UNC80: variants seen among roughly 807,000 people sequenced by gnomAD.
UNC80 encodes protein unc-80 homolog.
A neutral mutation model predicts 384.6 loss-of-function variants in UNC80; 164 were observed. The ratio of observed to expected loss-of-function variants is 0.43; its 90% CI spans 0.38 to 0.49. The LOEUF (loss-of-function observed/expected upper bound fraction) is 0.49. UNC80 is among the 20% of genes least tolerant of loss of function. UNC80 has a pLI of 0.00. For synonymous variants in UNC80, 1,486 were observed against 1,527.8 expected (o/e 0.97, Z 0.64); for missense variants, 3,330 against 4,143.0 (o/e 0.80, Z 5.39).
chr2:209,779,768 C>G (rs2077055837), intron 4 of UNC80, among the ~76,000 whole-genome samples: 1 of 152,160 alleles, frequency 6.6e-6, no homozygotes, highest in Non-Finnish European at 1.5e-5. Flanking sequence ...GGACAGGAAA[C>G]AAGTCTTCTT....
At chr2:209,966,649 T>G (rs2092749976) in intron 51 of UNC80, among the ~76,000 whole-genome samples, 1 of 152,218 alleles carries the variant, frequency 6.6e-6, no homozygotes, top group Non-Finnish European at 1.5e-5. Flanking sequence ...AATCTGACAC[T>G]TAGGACATCA....
At position 209,995,573 on chromosome 2, in the gene UNC80, T is replaced by C; in HGVS notation, c.9953T>C (p.Val3318Ala). ...ACTGAGCTGGGGAAAACGGATGCAG[T>C]ATTAGATGAGTCTCATGTTTAATTC... The part of the protein sequence containing the change: ...TPTELGKTDA[V>A]LDESHV The change falls in exon 65 of 65, where the codon GTA (valine) becomes GCA (alanine). Residue 3318 changes from valine to alanine, a missense_variant. By Grantham distance (64) the Val-to-Ala change is moderately conservative. Around this residue, in one of 8 missense-constraint regions of UNC80, gnomAD observed 236 missense variants for 254.9 expected, o/e 0.93. Transcript: ENST00000673920. 6.4e-7 allele frequency: 1 copy of C among 1,552,108 alleles called. No homozygotes were observed. The highest frequency in any genetic ancestry group is 2.4e-5 in the East Asian group (1 of 40,930).
At chr2:209,804,254 G>A (rs1452949158) in intron 7 of UNC80, among the ~76,000 whole-genome samples, 1 of 152,118 alleles carries the variant, frequency 6.6e-6, no homozygotes, top group African/African-American at 2.4e-5. Flanking sequence ...AAAATGAGAG[G>A]CACTCGTCCT....
At position 209,776,057 on chromosome 2, in the gene UNC80, G is replaced by A. The variant is rs759270823; in HGVS notation, c.298+12G>A. On this transcript the variant is annotated intron_variant, in intron 3 of 64. Coordinates refer to ENST00000673920, the MANE Select transcript of UNC80 (RefSeq NM_001371986.1). ...CCGAAACAAGCTAGGTTGGTGCCCC[G>A]CATTACTTCTTTATTGCATGTGATT... 6.8e-6 allele frequency: 11 copies of A among 1,613,670 alleles called. No homozygotes were observed. The highest frequency in any genetic ancestry group is 2.7e-5 in the African/African-American group (2 of 74,954).
At chr2:209,933,666 C>G (rs1441449866) in intron 38 of UNC80, among the ~76,000 whole-genome samples, 156 bp from the exon 39 acceptor site, 1 of 152,014 alleles carries the variant, frequency 6.6e-6, no homozygotes, top group African/African-American at 2.4e-5. Context: ...CAGTTATGCC[C>G]TCTCCTGGTA....
intron 31 of UNC80, among the ~76,000 whole-genome samples, chr2:209,915,924 G>A (rs1021686387): frequency 6.6e-6 from 1 of 152,100 alleles, no homozygotes; most frequent in East Asian, 1.9e-4. Flanking sequence ...CAAGGTGGTG[G>A]ATATTTTAAG....
rs1009260126 is a variant in UNC80 at position 209,911,799 on chromosome 2, C to T, written c.4783-761C>T. 4.6e-5 allele frequency among the ~76,000 whole-genome samples: 7 copies of T among 152,286 alleles called. No homozygotes were observed. In the South Asian group the frequency reaches 1.5e-3, roughly 32 times the overall value. On this transcript the variant is annotated intron_variant, in intron 29 of 64. Transcript: ENST00000673920. The stretch of plus-strand genomic sequence containing the variant: ...CAGGACTCTGGATAAATAAGCCTGC[C>T]TTCGTTAGGTTCAGTCCTTCTCCCA...
At chr2:209,910,008 G>C (rs1327414142) in intron 29 of UNC80, among the ~76,000 whole-genome samples, 1 of 149,528 alleles carries the variant, frequency 6.7e-6, no homozygotes, top group African/African-American at 2.5e-5. Context: ...ATCTACTAGT[G>C]GTCCTTTGAA....
At chr2:209,793,654 A>G in intron 6 of UNC80, 66 bp from the exon 7 acceptor site, 1 of 1,576,710 alleles carries the variant, frequency 6.3e-7, no homozygotes, top group East Asian at 2.2e-5. Flanking sequence ...ATTCTAGATG[A>G]TATAGCTACA....
chr2:209,784,085 C>A (rs1320062306), intron 4 of UNC80, among the ~76,000 whole-genome samples: 1 of 152,086 alleles, frequency 6.6e-6, no homozygotes, highest in East Asian at 1.9e-4. Context: ...AATCGTGAAG[C>A]CAAAAATCCT....
chr2:209,923,632 T>C (rs983049209), intron 35 of UNC80, among the ~76,000 whole-genome samples: 6 of 152,186 alleles, frequency 3.9e-5, no homozygotes, highest in Admixed American at 1.3e-4. Context: ...AATTGTTGTG[T>C]CTTTCTCATT....
intron 28 of UNC80, among the ~76,000 whole-genome samples, chr2:209,900,399 C>T (rs2087262123): frequency 6.6e-6 from 1 of 151,990 alleles, no homozygotes; most frequent in Admixed American, 6.6e-5. Flanking sequence ...GATCAGTGAT[C>T]CTTGATGATA....
intron 26 of UNC80, among the ~76,000 whole-genome samples, chr2:209,891,953 C>G (rs977098854): frequency 6.6e-6 from 1 of 152,110 alleles, no homozygotes; most frequent in African/African-American, 2.4e-5. Context: ...AATTCAGATT[C>G]TACCAGGAAA....
intron 17 of UNC80, among the ~76,000 whole-genome samples, chr2:209,834,447 G>A (rs191205525): frequency 2.0e-5 from 3 of 152,080 alleles, no homozygotes; most frequent in Non-Finnish European, 4.4e-5. Context: ...ATGGTAAAAC[G>A]CTACCTGTTT....
intron 48 of UNC80, 48 bp downstream of exon 48, chr2:209,954,318 A>C: frequency 1.5e-6 from 2 of 1,349,046 alleles, no homozygotes. Flanking sequence ...ATATGTTTCC[A>C]CTGAAAAAAA....
chr2:209,802,474 G>A (rs996730431), intron 7 of UNC80, among the ~76,000 whole-genome samples: 4 of 152,050 alleles, frequency 2.6e-5, no homozygotes, highest in African/African-American at 9.7e-5. Context: ...AATTTTAAAA[G>A]TAATATGGAA....
intron 21 of UNC80, among the ~76,000 whole-genome samples, chr2:209,844,068 T>TG (rs1574699301): frequency 1.3e-5 from 2 of 152,096 alleles, no homozygotes; most frequent in East Asian, 3.9e-4. Flanking sequence ...ATCTTCCTAA[T>TG]AACCAGGACA....
At chr2:209,845,979 CTCTTCTT>C (rs2082138130) in intron 21 of UNC80, among the ~76,000 whole-genome samples, 1 of 151,562 alleles carries the variant, frequency 6.6e-6, no homozygotes, top group African/African-American at 2.4e-5. Flanking sequence ...CTTGCTCTCT[CTCTTCTT>C]TCTTTTCTTT....
rs1455393419 is a variant in UNC80, at chr2:209,817,765, C to T, written c.1553-47C>T. On this transcript the variant is annotated intron_variant, in intron 10 of 64. Coordinates refer to ENST00000673920, the MANE Select transcript of UNC80 (RefSeq NM_001371986.1). ...GAAAGACAATATCTTGGCAGAATAA[C>T]TTTCAGATTTTAAAACCCTCTTGTG... The T allele has an allele frequency of 5.8e-6, 9 of 1,548,222 alleles. No homozygotes were observed. The African/African-American group carries it at 8.2e-5, about 14-fold the overall frequency.
Sources: allele counts gnomAD v4.1 joint callset (sites outside exome capture counted in the v4.1 genomes callset), GRCh38; gene constraint gnomAD v4.1.1; regional missense constraint gnomAD v4.1.1; transcripts MANE v1.5; gene names NCBI Gene and HGNC (gene_info 2026-07-23, HGNC 2026-07-21).